TMC7: variants seen among roughly 807,000 people sequenced by gnomAD.
The protein encoded by TMC7 is transmembrane channel-like protein 7.
TMC7 carries 54 observed loss-of-function variants against 82.9 expected under a neutral mutation model. The ratio of observed to expected loss-of-function variants is 0.65; its 90% CI spans 0.52 to 0.82. TMC7 has a LOEUF of 0.82. Among genes scored for constraint, TMC7 ranks in the 40% least tolerant of loss-of-function variants. The pLI is 0.00. For missense variants in TMC7, 820 were observed against 901.2 expected, an observed-to-expected ratio of 0.91 and a Z score of 1.15; for synonymous variants, 350 against 337.9, an observed-to-expected ratio of 1.04 and a Z score of -0.39.
rs35452001 is a variant in TMC7, at chr16:19,051,238, CTT to C, written c.1741-435_1741-434del. The stretch of plus-strand genomic sequence containing the variant: ...TTTGGATTTTTTTCTCCACCAAAAT[CTT>C]TTTTTTTTTTTTAATTTTATTATTA... On this transcript the variant is annotated intron_variant, in intron 12 of 15. Transcript: ENST00000304381. 5.3e-3 allele frequency among the ~76,000 whole-genome samples: 703 copies of C among 133,016 alleles called. 2 individuals are homozygous for C. Among genetic ancestry groups the C allele is most frequent in the Non-Finnish European group, 6.9e-3 (422 of 61,400 alleles). The allele number at this position is 133,016 out of a possible 152,430, so 87.3% of individuals were successfully genotyped here. A position where few individuals can be genotyped will look rare whatever the true frequency, so the allele number is the denominator to read the frequency against.
rs1035391137 is a variant in TMC7, at chr16:19,030,262, C to T, written c.750C>T (p.Tyr250=). 2.5e-6 allele frequency: 4 copies of T among 1,613,128 alleles called. No homozygotes were observed. In the African/African-American group the frequency reaches 5.3e-5, roughly 22 times the overall value. The change falls in exon 6 of 16, where the codon TAC becomes TAT. Residue 250 remains tyrosine, a synonymous_variant. Transcript: ENST00000304381. ...AAACTAGCCTCTTTTACGGACATTACACCATTGATGGGGTGAAATTTCAGA... is the reference window on the plus strand; with the variant it reads ...AAACTAGCCTCTTTTACGGACATTATACCATTGATGGGGTGAAATTTCAGA... ...LEETSLFYGH[Y]TIDGVKFQNF...
chr16:19,046,416 A>G (rs1961275981), intron 11 of TMC7, among the ~76,000 whole-genome samples: 1 of 152,244 alleles, frequency 6.6e-6, no homozygotes, highest in African/African-American at 2.4e-5. Context: ...AACATCAGCT[A>G]TCACCAGCAT....
intron 1 of TMC7, among the ~76,000 whole-genome samples, chr16:18,986,782 C>T (rs897633620): frequency 6.6e-6 from 1 of 152,006 alleles, no homozygotes; most frequent in Non-Finnish European, 1.5e-5. Flanking sequence ...ATCTGCTGTT[C>T]TCTTCGCCTG....
intron 3 of TMC7, among the ~76,000 whole-genome samples, chr16:19,020,851 C>G (rs1197269200): frequency 1.3e-5 from 1 of 75,904 alleles, no homozygotes; most frequent in African/African-American, 4.1e-5. Flanking sequence ...GACATGGTGT[C>G]AAAAATAAAT....
intron 1 of TMC7, among the ~76,000 whole-genome samples, chr16:19,000,960 T>A (rs1438857590): frequency 1.3e-5 from 2 of 151,664 alleles, no homozygotes; most frequent in East Asian, 3.9e-4. Flanking sequence ...GCAGAGTGAG[T>A]GGAAATGGCA....
At chr16:19,022,550 T>C (rs1040053452) in intron 4 of TMC7, among the ~76,000 whole-genome samples, 2 of 152,236 alleles carry the variant, frequency 1.3e-5, no homozygotes, top group African/African-American at 4.8e-5. Context: ...TCCACGTTTG[T>C]AACCTAGGAG....
chr16:19,040,248 C>T (rs780909624), intron 8 of TMC7, 41 bp from the exon 9 acceptor site: 2 of 1,577,232 alleles, frequency 1.3e-6, no homozygotes, highest in Admixed American at 3.6e-5. Flanking sequence ...GGTGTAACTT[C>T]CTCATATACT....
chr16:19,045,308 T>C, intron 10 of TMC7, 33 bp from the exon 11 acceptor site: 1 of 1,555,710 alleles, frequency 6.4e-7, no homozygotes, highest in Non-Finnish European at 8.9e-7. Context: ...TCAGCTAGGG[T>C]CTTTCAGTTT....
chr16:19,037,436 A>C (rs950435441), intron 7 of TMC7, among the ~76,000 whole-genome samples: 1 of 145,686 alleles, frequency 6.9e-6, no homozygotes, highest in Non-Finnish European at 1.5e-5. Context: ...TAAGTCTAGG[A>C]TGGTTTCTTG....
Position 19,009,324 on chromosome 16 carries a change from A to C in TMC7, c.220A>C (p.Ser74Arg). ...GTLLKPTDSY[S>R]SQLEDRIAEN... is the part of the protein sequence containing the mutation. ...TTTGCTAAAGCCAACCGACTCTTAC[A>C]GCTCCCAGCTGGAGGACAGAATCGC... The change falls in exon 2 of 16, where the codon AGC (serine) becomes CGC (arginine). Residue 74 changes from serine (S) to arginine (R), a missense_variant. Physicochemically the swap from Ser to Arg is moderately radical, Grantham distance 110 (BLOSUM62 -1). Around this residue, in one of 2 missense-constraint regions of TMC7, gnomAD observed 650 missense variants for 669.9 expected, o/e 0.97. Transcript: ENST00000304381. 1 of 1,614,204 alleles carries C rather than the reference A, an allele frequency of 6.2e-7. No individual in the cohort carries two copies. The highest frequency in any genetic ancestry group is 8.5e-7 in the Non-Finnish European group (1 of 1,180,040).
In TMC7 at chr16:19,059,460, G is replaced by A. The variant is rs374940794; in HGVS notation, c.2072G>A (p.Arg691Gln). ...ATTGCCTTAGCTGGAGCACACAAAC[G>A]GGTGGTCATCCAGCTCCGAGAGCAG... Reference protein sequence around the residue: ...YFIALAGAHKRVVIQLREQLS... With the variant: ...YFIALAGAHKQVVIQLREQLS... Residue 691 changes from arginine (R) to glutamine (Q), a missense_variant, in exon 15 of 16, where the codon CGG (arginine) becomes CAG (glutamine). Around this residue, in one of 2 missense-constraint regions of TMC7, gnomAD observed 170 missense variants for 231.3 expected, o/e 0.74. Transcript: ENST00000304381. 4.5e-5 allele frequency: 72 copies of A among 1,613,916 alleles called. No homozygotes were observed. Among genetic ancestry groups the A allele is most frequent in the Middle Eastern group, 3.3e-4 (2 of 6,018 alleles).
intron 1 of TMC7, among the ~76,000 whole-genome samples, chr16:18,990,509 C>T (rs2038931375): frequency 2.0e-5 from 3 of 152,126 alleles, no homozygotes; most frequent in African/African-American, 4.8e-5. Context: ...TGGCCAGGCT[C>T]GTCTCGAACT....
rs561383347 is a variant in TMC7 at position 18,984,119 on chromosome 16, C to G, written c.56C>G (p.Ala19Gly). Residue 19 changes from alanine to glycine, a missense_variant, in exon 1 of 16, where the codon GCG (alanine) becomes GGG (glycine). Ala to Gly is a moderately conservative substitution (Grantham distance 60, BLOSUM62 0). Coordinates refer to ENST00000304381, the MANE Select transcript of TMC7 (RefSeq NM_024847.4). ...CCCGGCAGGCCCAGCCGGCAGCCGG[C>G]GGTCCATCCAGGTAGGGCGGCAGGG... ...LQPGRPSRQPAVHPENLSLDS... is the reference protein window; with the variant it reads ...LQPGRPSRQPGVHPENLSLDS... 44 of 1,502,440 alleles carry G rather than the reference C, an allele frequency of 2.9e-5. 1 individual carries two copies. In the South Asian group the frequency reaches 5.2e-4, roughly 18 times the overall value. The allele number at this position is 1,502,440 out of a possible 1,614,324, so 93.1% of individuals were successfully genotyped here.
At chr16:19,038,428 C>T (rs540657033) in intron 8 of TMC7, among the ~76,000 whole-genome samples, 4 of 152,206 alleles carry the variant, frequency 2.6e-5, no homozygotes, top group African/African-American at 7.2e-5. Flanking sequence ...CTTCTGACCT[C>T]AGGTGATCTG....
intron 1 of TMC7, among the ~76,000 whole-genome samples, chr16:18,999,913 G>T (rs1198557473): frequency 6.6e-6 from 1 of 151,918 alleles, no homozygotes; most frequent in Non-Finnish European, 1.5e-5. Flanking sequence ...ACAGGTGCCC[G>T]CCACCACGCC....
At chr16:19,056,452 T>C (rs1200801878) in intron 13 of TMC7, 90 bp from the exon 14 acceptor site, 2 of 1,473,634 alleles carry the variant, frequency 1.4e-6, no homozygotes, top group Admixed American at 2.1e-5. Flanking sequence ...CTGTAGGCCA[T>C]TGTTAACAAA....
At chr16:19,038,175 A>G (rs930675701) in intron 8 of TMC7, 128 bp downstream of exon 8, 1 of 869,898 alleles carries the variant, frequency 1.1e-6, no homozygotes, top group African/African-American at 1.7e-5. Flanking sequence ...AGACCTGAAA[A>G]TCAGAGGTGA....
rs553088719 is a variant in TMC7 at position 19,029,623 on chromosome 16, C to T, written c.712-601C>T. Among the ~76,000 whole-genome samples the T allele has an allele frequency of 9.2e-4, 140 of 151,834 alleles. 2 individuals are homozygous for T. The highest frequency in any genetic ancestry group is 3.1e-3 in the African/African-American group (127 of 41,392). Reference sequence around the variant, plus strand: ...CTCCTGGGCTCAAGTAATCCTCCTGCCTCGGCCTTCCAAGGTGCTGGGATT... The same window carrying T: ...CTCCTGGGCTCAAGTAATCCTCCTGTCTCGGCCTTCCAAGGTGCTGGGATT... On this transcript the variant is annotated intron_variant, in intron 5 of 15. Transcript: ENST00000304381.
At chr16:19,058,762 G>A (rs1340296508) in intron 14 of TMC7, among the ~76,000 whole-genome samples, 1 of 152,152 alleles carries the variant, frequency 6.6e-6, no homozygotes, top group Admixed American at 6.6e-5. Context: ...CTGGAGTATG[G>A]TAATGTGATC....
Sources: allele counts gnomAD v4.1 joint callset (sites outside exome capture counted in the v4.1 genomes callset), GRCh38; gene constraint gnomAD v4.1.1; regional missense constraint gnomAD v4.1.1; transcripts MANE v1.5; gene names NCBI Gene and HGNC (gene_info 2026-07-23, HGNC 2026-07-21).